Variants in PRR16 observed in about 807,000 individuals in gnomAD.
The protein encoded by PRR16 is proline rich 16, also known as protein Largen.
In PRR16, 6 loss-of-function variants were observed where a neutral mutation model predicts 18.2. The observed-to-expected ratio is 0.33, with a 90% CI of 0.18 to 0.65. The LOEUF is 0.65. PRR16 is among the 30% of genes least tolerant of loss of function. The pLI is 0.74. For synonymous variants in PRR16, 151 were observed against 147.8 expected (o/e 1.02, Z -0.16); for missense variants, 412 against 376.6 (o/e 1.09, Z -0.78).
At chr5:120,502,023 G>C (rs1241942409) in intron 1 of PRR16, among the ~76,000 whole-genome samples, 1 of 149,116 alleles carries the variant, frequency 6.7e-6, no homozygotes, top group East Asian at 2.0e-4. Flanking sequence ...TGGAAGAGAA[G>C]GGGGACTCAA....
intron 1 of PRR16, among the ~76,000 whole-genome samples, chr5:120,572,232 A>G (rs1752931761): frequency 6.6e-6 from 1 of 152,142 alleles, no homozygotes; most frequent in Admixed American, 6.6e-5. Flanking sequence ...AGGGAATTGA[A>G]ACCTCATTTC....
At chr5:120,734,368 C>A in the PRR16 span, among the ~76,000 whole-genome samples, 1 of 152,048 alleles carries the variant, frequency 6.6e-6, no homozygotes, top group Non-Finnish European at 1.5e-5. Flanking sequence ...TGTGTAAGTG[C>A]ATGTTTATTC....
intron 1 of PRR16, among the ~76,000 whole-genome samples, chr5:120,504,188 C>A (rs369589666): frequency 6.6e-6 from 1 of 152,146 alleles, no homozygotes; most frequent in African/African-American, 2.4e-5. Context: ...CGATATTTGG[C>A]AGAGGTTCAG....
chr5:120,476,582 T>C (rs770905885), intron 1 of PRR16, among the ~76,000 whole-genome samples: 4 of 152,158 alleles, frequency 2.6e-5, no homozygotes, highest in Admixed American at 2.0e-4. Flanking sequence ...GTAATACTTA[T>C]TAGGGACCAA....
At chr5:120,779,064 T>G in the PRR16 span, among the ~76,000 whole-genome samples, 1 of 152,190 alleles carries the variant, frequency 6.6e-6, no homozygotes, top group Non-Finnish European at 1.5e-5. Context: ...TCTTCCAGCA[T>G]GCCTCATTTC....
At chr5:120,617,851 A>G (rs564945689) in intron 1 of PRR16, among the ~76,000 whole-genome samples, 1 of 152,276 alleles carries the variant, frequency 6.6e-6, no homozygotes, top group South Asian at 2.1e-4. Flanking sequence ...TACCTTTAAC[A>G]GCTGTGAATT....
chr5:120,469,538 C>G (rs529417183), intron 1 of PRR16, among the ~76,000 whole-genome samples: 2 of 152,018 alleles, frequency 1.3e-5, no homozygotes, highest in Non-Finnish European at 2.9e-5. Flanking sequence ...CCATATTCCC[C>G]AGGCTGATCT....
At chr5:120,711,229 G>C in the PRR16 span, among the ~76,000 whole-genome samples, 1 of 152,144 alleles carries the variant, frequency 6.6e-6, no homozygotes, top group East Asian at 1.9e-4. Context: ...TATTCATGGA[G>C]TATGGGGATT....
chr5:120,594,894 G>A (rs116046595), intron 1 of PRR16, among the ~76,000 whole-genome samples: 2,411 of 151,890 alleles, frequency 0.016, 27 homozygotes, highest in Middle Eastern at 0.034. Context: ...TGGGATGACT[G>A]GCTAGCCATA....
At chr5:120,721,396 G>A in the PRR16 span, among the ~76,000 whole-genome samples, 3 of 151,982 alleles carry the variant, frequency 2.0e-5, no homozygotes, top group Non-Finnish European at 4.4e-5. Flanking sequence ...TTAGGAAGAA[G>A]GGGCATATAA....
chr5:120,482,967 T>C (rs1749668595), intron 1 of PRR16, among the ~76,000 whole-genome samples: 2 of 152,324 alleles, frequency 1.3e-5, no homozygotes, highest in South Asian at 4.1e-4. Flanking sequence ...TTGTGTCACT[T>C]TCATTATTTT....
Position 120,670,752 on chromosome 5 carries a change from C to G in PRR16, c.160-15202C>G, listed in dbSNP as rs145282053. ...ACACTCCCTTCATGGTTGAACCAAACTTGGTATTCTCAAGTTGTGGAGGAT... is the reference window on the plus strand; with the variant it reads ...ACACTCCCTTCATGGTTGAACCAAAGTTGGTATTCTCAAGTTGTGGAGGAT... On this transcript the variant is annotated intron_variant, in intron 1 of 1. Coordinates refer to ENST00000407149, the MANE Select transcript of PRR16 (RefSeq NM_001300783.2). Among the ~76,000 whole-genome samples, 231 of 152,280 alleles carry G rather than the reference C, an allele frequency of 1.5e-3. 3 individuals carry two copies. Among genetic ancestry groups the G allele is most frequent in the South Asian group, 3.7e-3 (18 of 4,828 alleles).
chr5:120,700,748 G>A, the PRR16 span, among the ~76,000 whole-genome samples: 7 of 152,264 alleles, frequency 4.6e-5, no homozygotes, highest in East Asian at 7.7e-4. Flanking sequence ...TAGCCTCCGT[G>A]CTGATTAAGA....
intron 1 of PRR16, among the ~76,000 whole-genome samples, chr5:120,523,662 A>T (rs1200703863): frequency 6.6e-6 from 1 of 152,194 alleles, no homozygotes; most frequent in Non-Finnish European, 1.5e-5. Context: ...AACTATAAAC[A>T]TTACTACCTA....
At chr5:120,697,942 C>A in the PRR16 span, among the ~76,000 whole-genome samples, 1 of 152,254 alleles carries the variant, frequency 6.6e-6, no homozygotes, top group Middle Eastern at 3.4e-3. Context: ...ATATTCACTT[C>A]TTTTGTGATT....
the PRR16 span, chr5:120,781,490 A>C: frequency 2.0e-5 from 3 of 152,272 alleles, no homozygotes; most frequent in African/African-American, 7.2e-5. Flanking sequence ...CTTCTCTGTG[A>C]TGCTTTGTCT....
the PRR16 span, among the ~76,000 whole-genome samples, chr5:120,755,770 C>T: frequency 6.6e-6 from 1 of 151,984 alleles, no homozygotes; most frequent in Non-Finnish European, 1.5e-5. Flanking sequence ...CTGGTGGTGA[C>T]TCTTGACTAT....
the PRR16 span, among the ~76,000 whole-genome samples, chr5:120,767,120 T>C: frequency 6.6e-6 from 1 of 151,980 alleles, no homozygotes; most frequent in Non-Finnish European, 1.5e-5. Context: ...TAACAACATT[T>C]TGATGTGAAC....
At chr5:120,551,528 A>C (rs879694060) in intron 1 of PRR16, among the ~76,000 whole-genome samples, 2 of 151,838 alleles carry the variant, frequency 1.3e-5, no homozygotes, top group Non-Finnish European at 2.9e-5. Flanking sequence ...CATATAATCA[A>C]TGTATGATGA....
Sources: allele counts gnomAD v4.1 joint callset (sites outside exome capture counted in the v4.1 genomes callset), GRCh38; gene constraint gnomAD v4.1.1; transcripts MANE v1.5; gene names NCBI Gene and HGNC (gene_info 2026-07-23, HGNC 2026-07-21).